JAK1: variants seen among roughly 807,000 people sequenced by gnomAD.
JAK1 encodes Janus kinase 1, also known as tyrosine-protein kinase JAK1.
JAK1 carries 16 observed loss-of-function variants against 136.6 expected under a neutral mutation model. The ratio of observed to expected loss-of-function variants is 0.12; its 90% CI spans 0.08 to 0.18. The LOEUF is 0.18. Ranked by LOEUF, JAK1 falls within the 10% of genes least tolerant of loss-of-function variation. The pLI, the probability that JAK1 is intolerant of heterozygous loss-of-function variation, is 1.00. For missense variants in JAK1, 859 were observed against 1,450.1 expected (o/e 0.59, Z 6.62); for synonymous variants, 492 against 519.5 (o/e 0.95, Z 0.72).
intron 24 of JAK1, 40 bp from the exon 25 acceptor site, chr1:64,834,697 T>TC: frequency 1.6e-6 from 2 of 1,266,254 alleles, no homozygotes; most frequent in Non-Finnish European, 2.3e-6. Flanking sequence ...AAATGTTAGA[T>TC]CTGGGAACTT....
At chr1:64,907,823 G>A (rs746635732) in intron 1 of JAK1, among the ~76,000 whole-genome samples, 6 of 152,054 alleles carry the variant, frequency 3.9e-5, no homozygotes, top group African/African-American at 1.4e-4. Context: ...CTACTGAAAC[G>A]CACATGTCTC....
At chr1:64,932,309 A>G (rs1645710016) in intron 1 of JAK1, among the ~76,000 whole-genome samples, 1 of 152,138 alleles carries the variant, frequency 6.6e-6, no homozygotes, top group African/African-American at 2.4e-5. Context: ...GCTACTTGGG[A>G]GGCTGAGGCA....
At chr1:65,005,214 C>T (rs1050285506) in intron 2 of JAK1, among the ~76,000 whole-genome samples, 1 of 152,008 alleles carries the variant, frequency 6.6e-6, no homozygotes, top group African/African-American at 2.4e-5. Flanking sequence ...CATGGTGGCA[C>T]GCACCTGTAA....
rs958090427 is a variant in JAK1 at position 64,838,731 on chromosome 1, T to G, written c.2843-142A>C. 7 of 708,994 alleles carry G rather than the reference T, an allele frequency of 9.9e-6. No homozygotes were observed. The African/African-American group carries it at 1.1e-4, about 11-fold the overall frequency. 43.9% of individuals were successfully genotyped at this position (708,994 alleles called of 1,614,324 possible). On this transcript the variant is annotated intron_variant, in intron 20 of 24. Transcript: ENST00000342505. ...TACAGGCATGTTACTTGACCTCTTA[T>G]GCCTCAAGATCCTCAGCAGTGAATG...
intron 3 of JAK1, among the ~76,000 whole-genome samples, chr1:64,882,797 C>T (rs1299407066): frequency 6.6e-6 from 1 of 152,214 alleles, no homozygotes; most frequent in Non-Finnish European, 1.5e-5. Context: ...TTCAACTCAG[C>T]ACCACGCATG....
intron 1 of JAK1, among the ~76,000 whole-genome samples, chr1:64,960,428 A>G (rs1646261952): frequency 8.5e-6 from 1 of 117,720 alleles, no homozygotes; most frequent in African/African-American, 3.2e-5. Flanking sequence ...GTAGATCCAG[A>G]GCCTCCAAAA....
intron 1 of JAK1, among the ~76,000 whole-genome samples, chr1:64,910,706 C>T (rs1348632910): frequency 6.6e-6 from 1 of 151,932 alleles, no homozygotes; most frequent in Non-Finnish European, 1.5e-5. Flanking sequence ...TGGTGGCGAG[C>T]GCCTGTAGTC....
At position 64,850,787 on chromosome 1, in the gene JAK1, C is replaced by T. The variant is rs1273956685; in HGVS notation, c.1755+17G>A. On this transcript the variant is annotated intron_variant, in intron 12 of 24. Coordinates refer to ENST00000342505, the MANE Select transcript of JAK1 (RefSeq NM_002227.4). ...GGCAGGACCACAGCTGGCCCACACC[C>T]TGCAGCCGTGACTCACCTGCACCAG... 6.4e-7 allele frequency: 1 copy of T among 1,572,910 alleles called. No homozygotes were observed. The highest frequency in any genetic ancestry group is 1.7e-5 in the Admixed American group (1 of 59,918).
chr1:64,854,883 T>C (rs1312835396), intron 11 of JAK1, among the ~76,000 whole-genome samples: 1 of 152,164 alleles, frequency 6.6e-6, no homozygotes, highest in Non-Finnish European at 1.5e-5. Flanking sequence ...CGAGATGCCC[T>C]GACCGCACTG....
At chr1:64,946,811 C>A (rs1645996346) in intron 1 of JAK1, among the ~76,000 whole-genome samples, 1 of 152,056 alleles carries the variant, frequency 6.6e-6, no homozygotes, top group Admixed American at 6.6e-5. Context: ...TAGAAGCCAC[C>A]CAAGCATCCA....
intron 1 of JAK1, among the ~76,000 whole-genome samples, chr1:64,942,605 T>C (rs146317024): frequency 6.7e-4 from 102 of 152,330 alleles, no homozygotes; most frequent in African/African-American, 2.4e-3. Flanking sequence ...ATCCCTATGT[T>C]AGTTCAAGTA....
At chr1:65,050,550 C>T (rs900628983) in intron 1 of JAK1, among the ~76,000 whole-genome samples, 2 of 152,118 alleles carry the variant, frequency 1.3e-5, no homozygotes, top group African/African-American at 4.8e-5. Context: ...TAGGTGGGAC[C>T]ACACTGCCCA....
At chr1:64,927,501 G>C (rs1009441054) in intron 1 of JAK1, among the ~76,000 whole-genome samples, 5 of 152,198 alleles carry the variant, frequency 3.3e-5, no homozygotes, top group Admixed American at 2.6e-4. Flanking sequence ...ACAATCAACA[G>C]AAAAGACAAA....
At chr1:64,935,594 C>A (rs1249798700) in intron 1 of JAK1, among the ~76,000 whole-genome samples, 4 of 152,222 alleles carry the variant, frequency 2.6e-5, no homozygotes, top group African/African-American at 9.6e-5. Context: ...AGCCACCGCA[C>A]CCAGCCCATA....
chr1:64,894,474 C>T (rs563296468), intron 1 of JAK1, among the ~76,000 whole-genome samples: 4 of 152,186 alleles, frequency 2.6e-5, no homozygotes, highest in East Asian at 1.9e-4. Flanking sequence ...CAAAACAAAA[C>T]GAGGCGGGGC....
chr1:65,065,254 A>G (rs1027817389), intron 1 of JAK1, among the ~76,000 whole-genome samples: 27 of 152,312 alleles, frequency 1.8e-4, no homozygotes, highest in Non-Finnish European at 2.4e-4. Context: ...GGGATGCTCA[A>G]ATGGGGAAAA....
At chr1:64,985,053 A>G (rs1646585286) in intron 2 of JAK1, 2 of 869,504 alleles carry the variant, frequency 2.3e-6, no homozygotes, top group African/African-American at 1.6e-5. Flanking sequence ...AACAGACATG[A>G]GGATGGAACA....
At position 64,841,513 on chromosome 1, in the gene JAK1, T is replaced by A. The variant is rs766685810; in HGVS notation, c.2492A>T (p.Asp831Val). Residue 831 changes from aspartate (D) to valine (V), a missense_variant, in exon 18 of 25, where the codon GAC (aspartate) becomes GTC (valine). Physicochemically the swap from Asp to Val is radical, Grantham distance 152. Around this residue, in one of 4 missense-constraint regions of JAK1, gnomAD observed 409 missense variants for 753.8 expected, o/e 0.54. Coordinates refer to ENST00000342505, the MANE Select transcript of JAK1 (RefSeq NM_002227.4). ...ADLMTRCMNY[D>V]PNQRPFFRAI... ...TCGGAAGAAAGGCCTCTGATTGGGGTCATAGTTCATGCAGCGGGTCATGAG... is the reference window on the plus strand; with the variant it reads ...TCGGAAGAAAGGCCTCTGATTGGGGACATAGTTCATGCAGCGGGTCATGAG... The A allele has an allele frequency of 4.3e-6, 7 of 1,613,950 alleles. No individual in the cohort carries two copies. The African/African-American group carries it at 8.0e-5, about 18-fold the overall frequency.
chr1:64,930,271 T>A (rs1235294585), intron 1 of JAK1, among the ~76,000 whole-genome samples: 2 of 151,838 alleles, frequency 1.3e-5, no homozygotes, highest in Non-Finnish European at 2.9e-5. Flanking sequence ...AGGGCTAATA[T>A]CCAGAATCTA....
Sources: gnomAD v4.1 joint callset for allele counts (sites outside exome capture counted in the v4.1 genomes callset) on GRCh38, gnomAD v4.1.1 for gene constraint, gnomAD v4.1.1 regional missense constraint, MANE v1.5 for transcripts, NCBI Gene and HGNC (gene_info 2026-07-23, HGNC 2026-07-21) for gene names.